Variants in IQUB observed in about 807,000 individuals in gnomAD.
The protein encoded by IQUB is IQ motif and ubiquitin domain containing, also known as IQ motif and ubiquitin-like domain-containing protein.
In IQUB, 86 loss-of-function variants were observed where a neutral mutation model predicts 86.4. The observed-to-expected ratio is 1.00, with a 90% confidence interval of 0.84 to 1.19. IQUB has a LOEUF of 1.19. Among genes scored for constraint, IQUB ranks in the 50% most tolerant of loss-of-function variants. The pLI is 0.00. For synonymous variants in IQUB, 289 were observed against 304.5 expected, an observed-to-expected ratio of 0.95 and a Z score of 0.53; for missense variants, 946 against 916.9, an observed-to-expected ratio of 1.03 and a Z score of -0.41.
At chr7:123,519,279 C>T (rs1172801567) in intron 1 of IQUB, among the ~76,000 whole-genome samples, 2 of 152,110 alleles carry the variant, frequency 1.3e-5, no homozygotes, top group Non-Finnish European at 1.5e-5. Flanking sequence ...AATAGTTCTA[C>T]CATATAATCC....
intron 7 of IQUB, among the ~76,000 whole-genome samples, chr7:123,492,138 G>T (rs1323931909): frequency 6.6e-6 from 1 of 152,118 alleles, no homozygotes; most frequent in African/African-American, 2.4e-5. Flanking sequence ...GAGTCTGCTG[G>T]TGCCCTTGGA....
chr7:123,464,879 T>C lies in IQUB; in HGVS notation c.1712A>G (p.Tyr571Cys). 1.9e-6 allele frequency: 3 copies of C among 1,605,136 alleles called. No individual in the cohort carries two copies. Among genetic ancestry groups the C allele is most frequent in the South Asian group, 1.1e-5 (1 of 89,076 alleles). ...AGGATTAAACAGAGGTGTTTTGATA[T>C]AATGAAAAAAGAGTGTCGCAATTCT... ...RKRIATLFFH[Y>C]IKTPLFNPEV... The change falls in exon 10 of 13, where the codon TAT (tyrosine) becomes TGT (cysteine). Residue 571 changes from tyrosine to cysteine, a missense_variant. By Grantham distance (194) the Tyr-to-Cys change is radical. Coordinates refer to ENST00000324698, the MANE Select transcript of IQUB (RefSeq NM_178827.5).
chr7:123,519,730 A>T (rs1174463077), intron 1 of IQUB, among the ~76,000 whole-genome samples: 1 of 152,192 alleles, frequency 6.6e-6, no homozygotes, highest in African/African-American at 2.4e-5. Flanking sequence ...TCTATGTTTG[A>T]TAGCACCGTA....
intron 7 of IQUB, among the ~76,000 whole-genome samples, chr7:123,495,878 G>A (rs1236205285): frequency 6.6e-6 from 1 of 151,946 alleles, no homozygotes; most frequent in East Asian, 1.9e-4. Flanking sequence ...TTCCCTCATG[G>A]CAGAAATAAA....
At chr7:123,476,617 G>A (rs1794755896) in intron 8 of IQUB, among the ~76,000 whole-genome samples, 1 of 151,876 alleles carries the variant, frequency 6.6e-6, no homozygotes. Flanking sequence ...ACGTGAAACT[G>A]GAGGCAGCAG....
At chr7:123,514,284 T>C (rs1415800044) in intron 1 of IQUB, among the ~76,000 whole-genome samples, 3 of 152,010 alleles carry the variant, frequency 2.0e-5, no homozygotes, top group Non-Finnish European at 4.4e-5. Flanking sequence ...CAACCTAGAA[T>C]TGTGCACCCA....
At chr7:123,517,355 C>G (rs943067365) in intron 1 of IQUB, among the ~76,000 whole-genome samples, 1 of 151,424 alleles carries the variant, frequency 6.6e-6, no homozygotes, top group Admixed American at 6.6e-5. Context: ...CACGGTGAAA[C>G]CCCGCTCTAC....
chr7:123,493,112 G>A (rs1795545065), intron 7 of IQUB, among the ~76,000 whole-genome samples: 1 of 152,144 alleles, frequency 6.6e-6, no homozygotes, highest in East Asian at 1.9e-4. Flanking sequence ...AGTTCTCTAG[G>A]TTTCTTTGTT....
rs1338567078 is a variant in IQUB, at chr7:123,464,868, G to A, written c.1723C>T (p.Pro575Ser). 7 of 1,599,506 alleles carry A rather than the reference G, an allele frequency of 4.4e-6. No homozygotes were observed. Among genetic ancestry groups the A allele is most frequent in the Non-Finnish European group, 6.0e-6 (7 of 1,174,798 alleles). The change falls in exon 10 of 13, where the codon CCT becomes TCT. Residue 575 changes from proline (P) to serine (S), a missense_variant. By Grantham distance (74) the Pro-to-Ser change is moderately conservative. Transcript: ENST00000324698. ...ATLFFHYIKT[P>S]LFNPEVAKYL... ...TTTGCAACTTCAGGATTAAACAGAG[G>A]TGTTTTGATATAATGAAAAAAGAGT...
chr7:123,515,864 C>T (rs1278102402), intron 1 of IQUB, among the ~76,000 whole-genome samples: 1 of 152,114 alleles, frequency 6.6e-6, no homozygotes, highest in Non-Finnish European at 1.5e-5. Context: ...GTACTATTGA[C>T]TCAATTTATA....
At chr7:123,457,635 C>CA in intron 11 of IQUB, 69 bp from the exon 12 acceptor site, 1 of 1,122,996 alleles carries the variant, frequency 8.9e-7, no homozygotes, top group Non-Finnish European at 1.3e-6. Context: ...ATTACTTGAG[C>CA]AAATAATTAA....
chr7:123,516,066 T>C (rs1796623040), intron 1 of IQUB, among the ~76,000 whole-genome samples: 1 of 152,202 alleles, frequency 6.6e-6, no homozygotes, highest in Non-Finnish European at 1.5e-5. Flanking sequence ...TTAATGTGTC[T>C]AGATTATCCC....
At chr7:123,484,072 C>T (rs1418907941) in intron 7 of IQUB, among the ~76,000 whole-genome samples, 1 of 151,976 alleles carries the variant, frequency 6.6e-6, no homozygotes, top group African/African-American at 2.4e-5. Context: ...ATTTCAATTT[C>T]AATTTGAATT....
Position 123,464,971 on chromosome 7 carries a change from C to T in IQUB, c.1620G>A (p.Leu540=). The change falls in exon 10 of 13, where the codon TTG becomes TTA. Residue 540 remains leucine (L), a synonymous_variant. Transcript: ENST00000324698. ...TCATAAGGTCAACCTCTCTGTCAATCAATTCTAGAATTTCCTGAGTTAGTT... is the reference window on the plus strand; with the variant it reads ...TCATAAGGTCAACCTCTCTGTCAATTAATTCTAGAATTTCCTGAGTTAGTT... The part of the protein sequence containing the change: ...ECKLTQEILE[L]IDREVDLMMR... The T allele has an allele frequency of 6.3e-7, 1 of 1,597,888 alleles. No homozygotes were observed. The highest frequency in any genetic ancestry group is 8.5e-7 in the Non-Finnish European group (1 of 1,172,666).
intron 1 of IQUB, chr7:123,533,029 G>A (rs1797616169): frequency 6.6e-6 from 1 of 152,380 alleles, no homozygotes; most frequent in Non-Finnish European, 1.5e-5. Flanking sequence ...GCGTCCGGTA[G>A]GTCTGCGCAG....
intron 8 of IQUB, among the ~76,000 whole-genome samples, chr7:123,472,303 A>G (rs1584566903): frequency 6.6e-6 from 1 of 152,120 alleles, no homozygotes; most frequent in Non-Finnish European, 1.5e-5. Flanking sequence ...GAAATTTCTC[A>G]TGTAGTTCTA....
Position 123,512,252 on chromosome 7 carries a change from G to A in IQUB, c.89C>T (p.Pro30Leu). The change falls in exon 2 of 13, where the codon CCA becomes CTA. Residue 30 changes from proline (P) to leucine (L), a missense_variant. Pro to Leu is a moderately conservative substitution (Grantham distance 98, BLOSUM62 -3). Coordinates refer to ENST00000324698, the MANE Select transcript of IQUB (RefSeq NM_178827.5). ...SDDAFDTVTIPVPSEEPQESD... is the reference protein window; with the variant it reads ...SDDAFDTVTILVPSEEPQESD... Reference sequence around the variant, plus strand: ...CTCTTGAGGCTCTTCTGAGGGAACTGGAATAGTGACAGTATCAAAAGCATC... The same window carrying A: ...CTCTTGAGGCTCTTCTGAGGGAACTAGAATAGTGACAGTATCAAAAGCATC... The A allele has an allele frequency of 6.2e-7, 1 of 1,613,326 alleles. No individual in the cohort carries two copies. Among genetic ancestry groups the A allele is most frequent in the Non-Finnish European group, 8.5e-7 (1 of 1,179,454 alleles).
At position 123,479,968 on chromosome 7, in the gene IQUB, A is replaced by C; in HGVS notation, c.1237T>G (p.Trp413Gly). Reference sequence around the variant, plus strand: ...ATACGTGTAAGTTCTTCTTGCCGCCAGACTAGAGGAATAACACAATAGACT... The same window carrying C: ...ATACGTGTAAGTTCTTCTTGCCGCCCGACTAGAGGAATAACACAATAGACT... Reference protein sequence around the residue: ...FEFLYNALEFWRQEELTRINQ... With the variant: ...FEFLYNALEFGRQEELTRINQ... The change falls in exon 8 of 13, where the codon TGG becomes GGG. Residue 413 changes from tryptophan to glycine, a missense_variant and splice_region_variant. Coordinates refer to ENST00000324698, the MANE Select transcript of IQUB (RefSeq NM_178827.5). 1 of 1,605,698 alleles carries C rather than the reference A, an allele frequency of 6.2e-7. No individual in the cohort carries two copies. The highest frequency in any genetic ancestry group is 8.5e-7 in the Non-Finnish European group (1 of 1,176,830).
At chr7:123,502,781 A>T (rs909619085) in intron 5 of IQUB, 29 bp from the exon 6 acceptor site, 2 of 1,528,372 alleles carry the variant, frequency 1.3e-6, no homozygotes, top group Non-Finnish European at 1.8e-6. Flanking sequence ...AATTTAAATC[A>T]GTATCCCCTA....
Sources: gnomAD v4.1 joint callset for allele counts (sites outside exome capture counted in the v4.1 genomes callset) on GRCh38, gnomAD v4.1.1 for gene constraint, MANE v1.5 for transcripts, NCBI Gene and HGNC (gene_info 2026-07-23, HGNC 2026-07-21) for gene names.